Variants in KAT6B observed in about 807,000 individuals in gnomAD.
KAT6B encodes the protein histone acetyltransferase KAT6B.
KAT6B carries 10 observed loss-of-function variants against 187.5 expected under a neutral mutation model. The ratio of observed to expected loss-of-function variants is 0.05; its 90% CI spans 0.03 to 0.09. The LOEUF (loss-of-function observed/expected upper bound fraction) is 0.09. KAT6B is among the 10% of genes least tolerant of loss of function. KAT6B has a pLI of 1.00. For missense variants in KAT6B, 1,952 were observed against 2,558.9 expected (o/e 0.76, Z 5.12); for synonymous variants, 861 against 926.8 (o/e 0.93, Z 1.29).
At chr10:74,971,060 A>G (rs930268966) in intron 6 of KAT6B, among the ~76,000 whole-genome samples, 4 of 152,180 alleles carry the variant, frequency 2.6e-5, no homozygotes, top group Non-Finnish European at 5.9e-5. Flanking sequence ...GTTTGCCACA[A>G]TCTCACTACT....
intron 3 of KAT6B, among the ~76,000 whole-genome samples, chr10:74,873,792 CCT>C (rs1844194234): frequency 6.6e-6 from 1 of 152,000 alleles, no homozygotes. Flanking sequence ...CTTTTTATTC[CCT>C]CTCTCTTTTC....
At chr10:74,925,166 A>G (rs1848401677) in intron 3 of KAT6B, among the ~76,000 whole-genome samples, 1 of 151,942 alleles carries the variant, frequency 6.6e-6, no homozygotes, top group Admixed American at 6.6e-5. Context: ...TCAGCCTCCC[A>G]ATTAGCTGGG....
intron 3 of KAT6B, among the ~76,000 whole-genome samples, chr10:74,844,381 T>C (rs1418147295): frequency 6.6e-6 from 1 of 152,164 alleles, no homozygotes; most frequent in East Asian, 1.9e-4. Context: ...GTATTTTTAG[T>C]AGAGACCAGG....
At chr10:74,912,651 T>A (rs1449865214) in intron 3 of KAT6B, among the ~76,000 whole-genome samples, 1 of 152,226 alleles carries the variant, frequency 6.6e-6, no homozygotes, top group Non-Finnish European at 1.5e-5. Flanking sequence ...GTGAATACAG[T>A]TTATAATATG....
intron 3 of KAT6B, among the ~76,000 whole-genome samples, chr10:74,910,146 AT>A (rs1403545819): frequency 0.027 from 2,631 of 98,904 alleles, 71 homozygotes; most frequent in African/African-American, 0.2. Context: ...AAAAAAAAAA[AT>A]ATTAGCCAGG....
Position 74,867,416 on chromosome 10 carries a change from G to T in KAT6B, c.621+23938G>T, listed in dbSNP as rs571673570. 5.9e-5 allele frequency among the ~76,000 whole-genome samples: 9 copies of T among 152,154 alleles called. No homozygotes were observed. In the East Asian group the frequency reaches 1.7e-3, roughly 29 times the overall value. ...CAATGAAAGGATCCAGATCGTGTCT[G>T]TCTCACATTTTGTTATCCCAGTACA... On this transcript the variant is annotated intron_variant, in intron 3 of 17. Transcript: ENST00000287239.
chr10:74,951,283 C>T (rs1840302681), intron 3 of KAT6B, among the ~76,000 whole-genome samples: 1 of 151,904 alleles, frequency 6.6e-6, no homozygotes, highest in African/African-American at 2.4e-5. Context: ...GTGCGCACCA[C>T]CATGCCCAGC....
At chr10:75,007,736 T>C (rs1722485653) in intron 13 of KAT6B, among the ~76,000 whole-genome samples, 1 of 152,208 alleles carries the variant, frequency 6.6e-6, no homozygotes, top group African/African-American at 2.4e-5. Context: ...GTTTTATTTT[T>C]GTTTTTTAGA....
At chr10:74,985,030 A>G (rs760153935) in intron 11 of KAT6B, 50 bp from the exon 12 acceptor site, 8 of 1,506,174 alleles carry the variant, frequency 5.3e-6, no homozygotes, top group South Asian at 3.4e-5. Flanking sequence ...ACAATTTTAT[A>G]TGGTGCAGTA....
chr10:74,828,285 A>G (rs763317842), intron 1 of KAT6B, among the ~76,000 whole-genome samples: 8 of 152,152 alleles, frequency 5.3e-5, no homozygotes, highest in Non-Finnish European at 1.0e-4. Flanking sequence ...GATGTGGGAA[A>G]TAGGAAATGA....
intron 4 of KAT6B, among the ~76,000 whole-genome samples, chr10:74,964,523 A>T (rs1841324689): frequency 6.6e-6 from 1 of 152,038 alleles, no homozygotes; most frequent in East Asian, 1.9e-4. Context: ...GTTTCTTCAG[A>T]TGTCTGTCGT....
At chr10:74,872,608 G>A (rs557469506) in intron 3 of KAT6B, among the ~76,000 whole-genome samples, 1 of 152,172 alleles carries the variant, frequency 6.6e-6, no homozygotes, top group Admixed American at 6.6e-5. Flanking sequence ...GAACTCCTAA[G>A]CTCAAGCGAT....
intron 3 of KAT6B, among the ~76,000 whole-genome samples, chr10:74,844,965 C>T (rs994934261): frequency 2.6e-5 from 4 of 152,108 alleles, no homozygotes; most frequent in African/African-American, 7.2e-5. Flanking sequence ...GCCTGTAGTC[C>T]CAGCACCTTG....
chr10:74,854,471 G>T (rs1013859246), intron 3 of KAT6B, among the ~76,000 whole-genome samples: 2 of 149,462 alleles, frequency 1.3e-5, no homozygotes, highest in Non-Finnish European at 3.0e-5. Context: ...TGTTTTTTCT[G>T]TTTTTTTTTA....
chr10:74,954,260 G>A (rs1840518044), intron 3 of KAT6B, among the ~76,000 whole-genome samples: 1 of 152,200 alleles, frequency 6.6e-6, no homozygotes, highest in Non-Finnish European at 1.5e-5. Flanking sequence ...ATATGCGATA[G>A]CTAGAATAAT....
intron 3 of KAT6B, among the ~76,000 whole-genome samples, chr10:74,942,817 A>G (rs1394634677): frequency 6.7e-6 from 1 of 150,078 alleles, no homozygotes; most frequent in Admixed American, 6.6e-5. Flanking sequence ...CATTATTAAC[A>G]GTGAAAGACT....
At chr10:75,000,301 A>G (rs1843739843) in intron 13 of KAT6B, among the ~76,000 whole-genome samples, 2 of 151,990 alleles carry the variant, frequency 1.3e-5, no homozygotes. Context: ...GTGTATGTAC[A>G]TCAGTAGGGA....
At chr10:74,921,896 GGTAAGCTTTGCTC>G (rs1208933613) in intron 3 of KAT6B, among the ~76,000 whole-genome samples, 25 of 152,352 alleles carry the variant, frequency 1.6e-4, no homozygotes, top group African/African-American at 4.3e-4. Context: ...TGGGTTGACT[GGTAAGCTTTGCTC>G]TGGCCCATGG....
chr10:74,926,753 A>T (rs1343171879), intron 3 of KAT6B, among the ~76,000 whole-genome samples: 1 of 152,162 alleles, frequency 6.6e-6, no homozygotes, highest in Non-Finnish European at 1.5e-5. Flanking sequence ...CTACCACTTC[A>T]CGTGGAGGCA....
Sources: gnomAD v4.1 joint callset for allele counts (sites outside exome capture counted in the v4.1 genomes callset) on GRCh38, gnomAD v4.1.1 for gene constraint, MANE v1.5 for transcripts, NCBI Gene and HGNC (gene_info 2026-07-23, HGNC 2026-07-21) for gene names.